Variants in PCSK6 observed in about 807,000 individuals in gnomAD.
The protein encoded by PCSK6 is proprotein convertase subtilisin/kexin type 6, also known as paired basic amino acid cleaving enzyme 4.
PCSK6 carries 85 observed loss-of-function variants against 123.3 expected under a neutral mutation model. The ratio of observed to expected loss-of-function variants is 0.69; its 90% CI spans 0.58 to 0.83. The LOEUF (loss-of-function observed/expected upper bound fraction) is 0.83, where lower values mean the gene tolerates loss of function less well. Among genes scored for constraint, PCSK6 ranks in the 40% least tolerant of loss-of-function variants. The probability of loss-of-function intolerance (pLI) is 0.00; values close to 1 mark genes in which losing one functional copy is unlikely to be tolerated. For missense variants in PCSK6, 1,191 were observed against 1,282.3 expected, an observed-to-expected ratio of 0.93 and a Z score of 1.09; for synonymous variants, 508 against 516.0, an observed-to-expected ratio of 0.98 and a Z score of 0.21.
intron 6 of PCSK6, among the ~76,000 whole-genome samples, chr15:101,427,288 G>A (rs1189011582): frequency 6.6e-6 from 1 of 152,132 alleles, no homozygotes; most frequent in Non-Finnish European, 1.5e-5. Flanking sequence ...TGGATCCAGG[G>A]AGCACTTCAC....
chr15:101,406,120 G>A (rs1035875082), intron 6 of PCSK6, among the ~76,000 whole-genome samples: 1 of 152,076 alleles, frequency 6.6e-6, no homozygotes, highest in Non-Finnish European at 1.5e-5. Flanking sequence ...ACATGCAGCC[G>A]GCCCCAGTCA....
intron 13 of PCSK6, among the ~76,000 whole-genome samples, chr15:101,361,304 A>G (rs1256812478): frequency 8.8e-6 from 1 of 113,490 alleles, no homozygotes; most frequent in Non-Finnish European, 1.8e-5. Context: ...TGTCTCTATC[A>G]GTGCTAAGAG....
At chr15:101,412,955 T>C (rs2055748710) in intron 6 of PCSK6, among the ~76,000 whole-genome samples, 1 of 148,374 alleles carries the variant, frequency 6.7e-6, no homozygotes, top group Non-Finnish European at 1.5e-5. Context: ...CCCACTGCAC[T>C]CCAGCCTGAG....
At position 101,325,055 on chromosome 15, in the gene PCSK6, G is replaced by C; in HGVS notation, c.2181-9C>G. ...ACACACTCACGCACTTCCTGTAGGA[G>C]CAAAGGCAGGAGGGTGAGGGCCTTG... On this transcript the variant is annotated splice_polypyrimidine_tract_variant and intron_variant, in intron 16 of 21. Coordinates refer to ENST00000611716, the MANE Select transcript of PCSK6 (RefSeq NM_002570.5). The C allele has an allele frequency of 6.3e-7, 1 of 1,595,518 alleles. No individual in the cohort carries two copies. Among genetic ancestry groups the C allele is most frequent in the Non-Finnish European group, 8.5e-7 (1 of 1,171,744 alleles).
chr15:101,436,365 C>T lies in PCSK6; in HGVS notation c.403-4265G>A, dbSNP rs1035583999. 2.0e-5 allele frequency among the ~76,000 whole-genome samples: 3 copies of T among 152,200 alleles called. No homozygotes were observed. The East Asian group carries it at 5.8e-4, about 29-fold the overall frequency. ...TTTGAAGTACGCACCGGCAGGGCTG[C>T]GGACACCAGGTTCACACAGGTTCTG... On this transcript the variant is annotated intron_variant, in intron 2 of 21. Coordinates refer to ENST00000611716, the MANE Select transcript of PCSK6 (RefSeq NM_002570.5).
chr15:101,345,488 G>A (rs187880082), intron 13 of PCSK6, among the ~76,000 whole-genome samples: 17 of 152,026 alleles, frequency 1.1e-4, no homozygotes, highest in Non-Finnish European at 1.8e-4. Context: ...ACTCTGGAGG[G>A]GAAATTTAAA....
intron 9 of PCSK6, among the ~76,000 whole-genome samples, chr15:101,387,957 G>C (rs118188817): frequency 6.6e-6 from 1 of 152,218 alleles, no homozygotes; most frequent in African/African-American, 2.4e-5. Flanking sequence ...TGCCTGATCC[G>C]TCCCCTGTAT....
At position 101,313,366 on chromosome 15, in the gene PCSK6, A is replaced by AGGACC. The variant is rs761826332; in HGVS notation, c.2699+5_2699+9dup. On this transcript the variant is annotated intron_variant, in intron 20 of 21. Coordinates refer to ENST00000611716, the MANE Select transcript of PCSK6 (RefSeq NM_002570.5). ...CAGCTGCCTGCCGTTCCCCGCCAGG[A>AGGACC]GGACCGTACCTTCGACACACTTTGT... 4.5e-5 allele frequency: 73 copies of AGGACC among 1,612,610 alleles called. No homozygotes were observed. Among genetic ancestry groups the AGGACC allele is most frequent in the Admixed American group, 1.7e-5 (1 of 60,000 alleles).
intron 13 of PCSK6, chr15:101,347,280 T>G: frequency 8.1e-7 from 1 of 1,232,350 alleles, no homozygotes; most frequent in East Asian, 3.2e-5. Context: ...GAAATGAAGA[T>G]TAGCTCAAAA....
intron 6 of PCSK6, among the ~76,000 whole-genome samples, chr15:101,418,353 G>C (rs530253267): frequency 6.6e-6 from 1 of 152,212 alleles, no homozygotes; most frequent in African/African-American, 2.4e-5. Flanking sequence ...AAACAAGTTA[G>C]AGAGAAACAT....
At chr15:101,324,752 G>C (rs1424427741) in intron 17 of PCSK6, 98 bp downstream of exon 17, 1 of 1,018,496 alleles carries the variant, frequency 9.8e-7, no homozygotes, top group East Asian at 2.4e-5. Context: ...AAAATACACG[G>C]AAGCAGAAGG....
intron 1 of PCSK6, among the ~76,000 whole-genome samples, chr15:101,469,838 G>A (rs538003309): frequency 1.7e-3 from 252 of 152,292 alleles, no homozygotes; most frequent in Non-Finnish European, 2.8e-3. Context: ...AATCTTCTCC[G>A]TGACACTTTT....
chr15:101,396,249 C>T (rs1210965477), intron 7 of PCSK6, among the ~76,000 whole-genome samples: 1 of 152,192 alleles, frequency 6.6e-6, no homozygotes, highest in African/African-American at 2.4e-5. Context: ...CCCCTGACAG[C>T]TGGATGAAAC....
In PCSK6 at chr15:101,467,166, T is replaced by C. The variant is rs116245439; in HGVS notation, c.297+22208A>G. 4.0e-3 allele frequency among the ~76,000 whole-genome samples: 608 copies of C among 152,252 alleles called. 7 individuals are homozygous for C. The highest frequency in any genetic ancestry group is 0.014 in the African/African-American group (568 of 41,548). ...CTCCTGTTAACTGACAAAGGATTCA[T>C]ATGCCGTATATGTACACCCAGTAAT... is the stretch of plus-strand genomic sequence containing the variant. On this transcript the variant is annotated intron_variant, in intron 1 of 21. Coordinates refer to ENST00000611716, the MANE Select transcript of PCSK6 (RefSeq NM_002570.5).
intron 11 of PCSK6, among the ~76,000 whole-genome samples, chr15:101,377,138 G>A (rs970455745): frequency 6.6e-6 from 1 of 152,226 alleles, no homozygotes; most frequent in Non-Finnish European, 1.5e-5. Flanking sequence ...CAGGCCGCTG[G>A]GCTCCTGGCC....
At chr15:101,339,910 A>T (rs1001436747) in intron 13 of PCSK6, among the ~76,000 whole-genome samples, 6 of 146,950 alleles carry the variant, frequency 4.1e-5, no homozygotes, top group Non-Finnish European at 4.5e-5. Context: ...ACCCTTTCTC[A>T]ATATATATAT....
intron 5 of PCSK6, among the ~76,000 whole-genome samples, chr15:101,428,664 T>C (rs1055868480): frequency 6.6e-6 from 1 of 152,174 alleles, no homozygotes; most frequent in Non-Finnish European, 1.5e-5. Context: ...GGGGCCAAAA[T>C]AGGAGCAACT....
intron 1 of PCSK6, among the ~76,000 whole-genome samples, chr15:101,453,993 G>A (rs1338685013): frequency 6.6e-6 from 1 of 152,256 alleles, no homozygotes; most frequent in Non-Finnish European, 1.5e-5. Context: ...ACCCAAGGCA[G>A]TCAGGGGGAG....
At chr15:101,337,453 A>G (rs2040507915) in intron 13 of PCSK6, 1 of 152,226 alleles carries the variant, frequency 6.6e-6, no homozygotes, top group South Asian at 2.1e-4. Context: ...TTTTAAAATT[A>G]CTTTTTCCCT....
Sources: gnomAD v4.1 joint callset for allele counts (sites outside exome capture counted in the v4.1 genomes callset) on GRCh38, gnomAD v4.1.1 for gene constraint, MANE v1.5 for transcripts, NCBI Gene and HGNC (gene_info 2026-07-23, HGNC 2026-07-21) for gene names.